Variants in CDKL2 observed in about 807,000 individuals in gnomAD.
CDKL2 encodes the protein cyclin dependent kinase like 2.
In CDKL2, 64 loss-of-function variants were observed where a neutral mutation model predicts 63.9. The observed-to-expected ratio is 1.00, with a 90% CI of 0.82 to 1.23. The LOEUF is 1.23. CDKL2 is among the 50% of genes most tolerant of loss of function. The pLI is 0.00. For synonymous variants in CDKL2, 211 were observed against 229.2 expected, an observed-to-expected ratio of 0.92 and a Z score of 0.72; for missense variants, 656 against 668.0, an observed-to-expected ratio of 0.98 and a Z score of 0.20.
intron 5 of CDKL2, among the ~76,000 whole-genome samples, chr4:75,605,310 G>T (rs543183368): frequency 1.3e-5 from 2 of 151,966 alleles, no homozygotes; most frequent in African/African-American, 4.8e-5. Flanking sequence ...CCGAGATTGC[G>T]CCATTGCACT....
In CDKL2 at chr4:75,586,994, G is replaced by C. The variant is rs114669590; in HGVS notation, c.1647+4825C>G. On this transcript the variant is annotated intron_variant, in intron 12 of 13. Coordinates refer to ENST00000307465, the MANE Select transcript of CDKL2 (RefSeq NM_001330724.2). ...TAAGAGGAGACATCAATAAAATAGG[G>C]AACTGACAGATAACAGAGGAAATTA... Among the ~76,000 whole-genome samples, 769 of 152,230 alleles carry C rather than the reference G, an allele frequency of 5.1e-3. 11 individuals carry two copies. Among genetic ancestry groups the C allele is most frequent in the African/African-American group, 0.018 (733 of 41,536 alleles).
At position 75,594,102 on chromosome 4, in the gene CDKL2, T is replaced by A. The variant is rs541779420; in HGVS notation, c.1417-1833A>T. On this transcript the variant is annotated intron_variant, in intron 10 of 13. Transcript: ENST00000307465. The stretch of plus-strand genomic sequence containing the variant: ...AAATGTATTATTATAAATATTTATT[T>A]TGTGTTTTATTTTCACTCTTTGAAT... 1.5e-3 allele frequency among the ~76,000 whole-genome samples: 227 copies of A among 152,324 alleles called. 1 individual carries two copies. Among genetic ancestry groups the A allele is most frequent in the African/African-American group, 5.3e-3 (222 of 41,580 alleles).
chr4:75,621,081 G>T (rs147325215), intron 2 of CDKL2, among the ~76,000 whole-genome samples: 1 of 151,602 alleles, frequency 6.6e-6, no homozygotes. Context: ...GACTATAGGC[G>T]CGCACCAACA....
intron 9 of CDKL2, 82 bp from the exon 10 acceptor site, chr4:75,596,422 CAACT>C: frequency 1.3e-6 from 1 of 786,352 alleles, no homozygotes; most frequent in Middle Eastern, 3.2e-4. Flanking sequence ...GACACAGCAC[CAACT>C]AACAAGCAGT....
At chr4:75,591,353 TG>T (rs952983464) in intron 12 of CDKL2, among the ~76,000 whole-genome samples, 2 of 152,178 alleles carry the variant, frequency 1.3e-5, no homozygotes, top group Non-Finnish European at 2.9e-5. Context: ...TCCAACACTT[TG>T]GGAAGCTAAA....
chr4:75,588,163 G>C (rs1319666145), intron 12 of CDKL2, among the ~76,000 whole-genome samples: 1 of 149,276 alleles, frequency 6.7e-6, no homozygotes, highest in Non-Finnish European at 1.5e-5. Flanking sequence ...GCCGTGAGCC[G>C]AGATCGCACC....
chr4:75,589,977 G>C (rs1190894162), intron 12 of CDKL2, among the ~76,000 whole-genome samples: 1 of 149,700 alleles, frequency 6.7e-6, no homozygotes, highest in African/African-American at 2.5e-5. Flanking sequence ...GCAAGACCAT[G>C]TGTCCAAAAA....
In CDKL2 at chr4:75,578,995, G is replaced by A. The variant is rs1158602082; in HGVS notation, c.*207C>T. The A allele has an allele frequency of 6.6e-6, 1 of 152,596 alleles. No individual in the cohort carries two copies. The highest frequency in any genetic ancestry group is 6.5e-5 in the Admixed American group (1 of 15,284). The allele number at this position is 152,596 out of a possible 1,614,324, so 9.5% of individuals were successfully genotyped here. A position where few individuals can be genotyped will look rare whatever the true frequency, so the allele number is the denominator to read the frequency against. ...TGAAAGGTAATGGGATAACAGTTGG[G>A]GAGGGCCATTTGTTCAATCTTCCTT... is the stretch of plus-strand genomic sequence containing the variant. On this transcript the variant is annotated 3_prime_UTR_variant, in exon 14 of 14. Coordinates refer to ENST00000307465, the MANE Select transcript of CDKL2 (RefSeq NM_001330724.2).
chr4:75,585,702 C>T (rs1294196751), intron 12 of CDKL2, among the ~76,000 whole-genome samples: 1 of 152,114 alleles, frequency 6.6e-6, no homozygotes, highest in Non-Finnish European at 1.5e-5. Flanking sequence ...GGGTGGATCA[C>T]TTGAGTTCAG....
At chr4:75,579,268 T>C (rs1728155411) in intron 13 of CDKL2, 90 bp from the exon 14 acceptor site, 2 of 152,266 alleles carry the variant, frequency 1.3e-5, no homozygotes, top group Admixed American at 1.3e-4. Flanking sequence ...TCACATCGTA[T>C]ATATTGATAA....
intron 10 of CDKL2, among the ~76,000 whole-genome samples, chr4:75,593,083 GAAT>G (rs1728779994): frequency 6.6e-6 from 1 of 152,078 alleles, no homozygotes; most frequent in Non-Finnish European, 1.5e-5. Context: ...AATATTCTGT[GAAT>G]TATGCCATTC....
intron 12 of CDKL2, among the ~76,000 whole-genome samples, chr4:75,585,754 T>G (rs998047317): frequency 1.3e-5 from 2 of 152,010 alleles, no homozygotes; most frequent in Non-Finnish European, 2.9e-5. Context: ...GACTCTGTCT[T>G]GAAATAAATT....
intron 12 of CDKL2, among the ~76,000 whole-genome samples, chr4:75,584,691 A>T (rs1360666479): frequency 6.6e-6 from 1 of 152,210 alleles, no homozygotes; most frequent in Non-Finnish European, 1.5e-5. Flanking sequence ...CTGAAAGCCT[A>T]GACAGCTACT....
intron 12 of CDKL2, among the ~76,000 whole-genome samples, chr4:75,591,604 A>T (rs1400532777): frequency 1.3e-5 from 2 of 152,216 alleles, no homozygotes; most frequent in African/African-American, 4.8e-5. Context: ...CTCTAAAAAA[A>T]GAAAGTATTA....
chr4:75,589,573 G>C (rs891970263), intron 12 of CDKL2, among the ~76,000 whole-genome samples: 8 of 151,808 alleles, frequency 5.3e-5, no homozygotes, highest in African/African-American at 1.9e-4. Flanking sequence ...CAAAGTGCTG[G>C]GATTACAGGC....
At position 75,585,157 on chromosome 4, in the gene CDKL2, A is replaced by G. The variant is rs144202835; in HGVS notation, c.1648-3259T>C. On this transcript the variant is annotated intron_variant, in intron 12 of 13. Coordinates refer to ENST00000307465, the MANE Select transcript of CDKL2 (RefSeq NM_001330724.2). ...AGTTTGGAATGGCTATTTTAATATCAGATAAAATAGACTTCAAAGCACAGA... is the reference window on the plus strand; with the variant it reads ...AGTTTGGAATGGCTATTTTAATATCGGATAAAATAGACTTCAAAGCACAGA... 1.3e-3 allele frequency among the ~76,000 whole-genome samples: 198 copies of G among 152,376 alleles called. 2 individuals are homozygous for G. The East Asian group carries it at 0.032, about 25-fold the overall frequency.
intron 1 of CDKL2, among the ~76,000 whole-genome samples, chr4:75,626,506 A>G (rs1730420138): frequency 6.6e-6 from 1 of 152,150 alleles, no homozygotes; most frequent in Admixed American, 6.5e-5. Context: ...CTCTACTAAA[A>G]ATACAGAAAA....
chr4:75,605,649 A>G lies in CDKL2; in HGVS notation c.543-15T>C, dbSNP rs750684559. ...CATCAACAGCCCTGAAAGAAAAGCAATGTGGTGTAAAATCTGGCATCCTAA... is the reference window on the plus strand; with the variant it reads ...CATCAACAGCCCTGAAAGAAAAGCAGTGTGGTGTAAAATCTGGCATCCTAA... On this transcript the variant is annotated splice_polypyrimidine_tract_variant and intron_variant, in intron 4 of 13. Transcript: ENST00000307465. The G allele has an allele frequency of 6.4e-7, 1 of 1,569,052 alleles. No homozygotes were observed. The highest frequency in any genetic ancestry group is 1.7e-5 in the Admixed American group (1 of 59,818).
In CDKL2 at chr4:75,600,379, T is replaced by A; in HGVS notation, c.796-10A>T. On this transcript the variant is annotated splice_polypyrimidine_tract_variant and intron_variant, in intron 6 of 13. Coordinates refer to ENST00000307465, the MANE Select transcript of CDKL2 (RefSeq NM_001330724.2). The stretch of plus-strand genomic sequence containing the variant: ...CAATATGTAAGCATTTCTGAAAAAT[T>A]AAGAACACTTAGAGTTCATATCAAG... 3.2e-6 allele frequency: 5 copies of A among 1,553,798 alleles called. No individual in the cohort carries two copies. Among genetic ancestry groups the A allele is most frequent in the Non-Finnish European group, 3.5e-6 (4 of 1,126,846 alleles).
Sources: gnomAD v4.1 joint callset for allele counts (sites outside exome capture counted in the v4.1 genomes callset) on GRCh38, gnomAD v4.1.1 for gene constraint, MANE v1.5 for transcripts, NCBI Gene and HGNC (gene_info 2026-07-23, HGNC 2026-07-21) for gene names.